CALN1: variants seen among roughly 807,000 people sequenced by gnomAD.
CALN1 encodes calneuron 1.
CALN1 carries 17 observed loss-of-function variants against 30.6 expected under a neutral mutation model. The ratio of observed to expected loss-of-function variants is 0.56; its 90% confidence interval spans 0.38 to 0.83. CALN1 has a LOEUF of 0.83. CALN1 is among the 40% of genes least tolerant of loss of function. The pLI, the probability that CALN1 is intolerant of heterozygous loss-of-function variation, is 0.00. For missense variants in CALN1, 291 were observed against 354.9 expected (o/e 0.82, Z 1.45); for synonymous variants, 156 against 131.4 (o/e 1.19, Z -1.28).
At chr7:72,171,754 G>A (rs754838551) in intron 3 of CALN1, among the ~76,000 whole-genome samples, 6 of 152,030 alleles carry the variant, frequency 3.9e-5, no homozygotes, top group Non-Finnish European at 5.9e-5. Context: ...CTCATTTTAC[G>A]TATTATTATA....
chr7:72,416,382 A>G (rs950228492), upstream of CALN1, among the ~76,000 whole-genome samples: 5 of 152,184 alleles, frequency 3.3e-5, no homozygotes, highest in Admixed American at 3.3e-4. Flanking sequence ...TAATGCTGCT[A>G]CCTCAATAAA....
At chr7:71,872,181 T>C (rs1480033410) in intron 5 of CALN1, among the ~76,000 whole-genome samples, 1 of 152,178 alleles carries the variant, frequency 6.6e-6, no homozygotes, top group Non-Finnish European at 1.5e-5. Flanking sequence ...GCACATTTGA[T>C]CTTCCTGAAA....
intron 3 of CALN1, among the ~76,000 whole-genome samples, chr7:72,141,937 C>G (rs1442347889): frequency 6.6e-6 from 1 of 152,190 alleles, no homozygotes; most frequent in Non-Finnish European, 1.5e-5. Flanking sequence ...GCACAGTGAT[C>G]TGTTTTGGAT....
chr7:72,300,418 C>CA (rs1285744440), intron 2 of CALN1, among the ~76,000 whole-genome samples: 3 of 148,600 alleles, frequency 2.0e-5, no homozygotes, highest in Non-Finnish European at 4.5e-5. Flanking sequence ...ACAACAACAA[C>CA]AAAAAAGATA....
intron 2 of CALN1, among the ~76,000 whole-genome samples, chr7:72,344,924 A>G (rs1802556114): frequency 2.0e-5 from 3 of 147,676 alleles, no homozygotes. Flanking sequence ...ATATGTGAAC[A>G]TATATTTATT....
At chr7:72,185,408 A>G (rs1415939197) in intron 3 of CALN1, among the ~76,000 whole-genome samples, 2 of 152,216 alleles carry the variant, frequency 1.3e-5, no homozygotes, top group African/African-American at 4.8e-5. Context: ...CAGATTGCGC[A>G]GGAAGCTTTC....
intron 2 of CALN1, among the ~76,000 whole-genome samples, chr7:72,305,043 G>T (rs575173425): frequency 6.6e-6 from 1 of 152,304 alleles, no homozygotes; most frequent in East Asian, 1.9e-4. Context: ...CTGCAGCCTC[G>T]CATGTGACCT....
chr7:72,373,770 C>G (rs1358604167), intron 2 of CALN1, among the ~76,000 whole-genome samples: 2 of 152,118 alleles, frequency 1.3e-5, no homozygotes, highest in African/African-American at 2.4e-5. Context: ...ATTCAGTAAG[C>G]TCATAGAATC....
intron 3 of CALN1, among the ~76,000 whole-genome samples, chr7:72,271,575 A>AAAAATATATATATATATATAT: frequency 0.018 from 926 of 51,948 alleles, 54 homozygotes; most frequent in Middle Eastern, 0.037. Context: ...AAAAAAAAAA[A>AAAAATATATATATATATATAT]ATATATATAT....
chr7:72,193,584 T>C (rs191178851), intron 3 of CALN1, among the ~76,000 whole-genome samples: 1 of 152,228 alleles, frequency 6.6e-6, no homozygotes, highest in East Asian at 1.9e-4. Context: ...CCACTACACA[T>C]GTGGGCTAGA....
intron 2 of CALN1, among the ~76,000 whole-genome samples, chr7:72,398,186 C>T (rs932203383): frequency 2.6e-5 from 4 of 152,314 alleles, no homozygotes; most frequent in East Asian, 1.9e-4. Context: ...AGCAGCTCAG[C>T]GTCCAGGCAA....
intron 3 of CALN1, among the ~76,000 whole-genome samples, chr7:72,137,259 G>A (rs1163812981): frequency 6.6e-6 from 1 of 152,148 alleles, no homozygotes; most frequent in African/African-American, 2.4e-5. Context: ...TTCTAGTTAT[G>A]CTGACATTAG....
intron 2 of CALN1, among the ~76,000 whole-genome samples, chr7:72,400,271 A>T (rs1181358599): frequency 6.6e-6 from 1 of 152,076 alleles, no homozygotes; most frequent in Non-Finnish European, 1.5e-5. Context: ...TACTGATTTG[A>T]TCTGGAGTGG....
intron 5 of CALN1, among the ~76,000 whole-genome samples, chr7:71,884,594 A>G (rs1792788205): frequency 6.6e-6 from 1 of 150,472 alleles, no homozygotes. Context: ...TGAGGACTAA[A>G]CTCTGATTCT....
intron 1 of CALN1, among the ~76,000 whole-genome samples, chr7:72,446,758 G>T (rs1020851766): frequency 6.6e-6 from 1 of 152,112 alleles, no homozygotes; most frequent in Non-Finnish European, 1.5e-5. Flanking sequence ...TGAAAGAAGC[G>T]TGTCTCCCCA....
intron 5 of CALN1, among the ~76,000 whole-genome samples, chr7:71,873,442 C>T (rs1001351950): frequency 6.6e-6 from 1 of 152,088 alleles, no homozygotes; most frequent in Admixed American, 6.5e-5. Context: ...AATTGGACCA[C>T]GAAAATAAAA....
At chr7:72,439,156 G>A (rs889135181) in intron 1 of CALN1, among the ~76,000 whole-genome samples, 2 of 152,020 alleles carry the variant, frequency 1.3e-5, no homozygotes, top group African/African-American at 4.8e-5. Context: ...TTAGCCTCCC[G>A]AGTAGCTGTA....
Position 72,129,988 on chromosome 7 carries a change from T to G in CALN1, c.245-23694A>C, listed in dbSNP as rs541323511. ...TTCATGAATAGATTAATGCCCTCCCTCAGGGGTGAGTGAGTTCTTGCTTTA... is the reference window on the plus strand; with the variant it reads ...TTCATGAATAGATTAATGCCCTCCCGCAGGGGTGAGTGAGTTCTTGCTTTA... On this transcript the variant is annotated intron_variant, in intron 3 of 6. Transcript: ENST00000395275. Among the ~76,000 whole-genome samples the G allele has an allele frequency of 5.9e-5, 9 of 152,298 alleles. No individual in the cohort carries two copies. The South Asian group carries it at 1.9e-3, about 32-fold the overall frequency.
At chr7:71,897,335 T>C (rs1250776619) in intron 5 of CALN1, among the ~76,000 whole-genome samples, 3 of 152,206 alleles carry the variant, frequency 2.0e-5, no homozygotes, top group Non-Finnish European at 4.4e-5. Flanking sequence ...AGCTATTTCT[T>C]GGAAATGTAA....
Sources: gnomAD v4.1 joint callset for allele counts (sites outside exome capture counted in the v4.1 genomes callset) on GRCh38, gnomAD v4.1.1 for gene constraint, MANE v1.5 for transcripts, NCBI Gene and HGNC (gene_info 2026-07-23, HGNC 2026-07-21) for gene names.